NHS: variants seen among roughly 807,000 people sequenced by gnomAD.
NHS encodes NHS actin remodeling regulator, also known as actin remodeling regulator NHS.
NHS carries 5 observed loss-of-function variants against 72.5 expected under a neutral mutation model. That is an observed-to-expected ratio of 0.07 (90% CI 0.04 to 0.14). NHS has a LOEUF of 0.14. NHS is among the 10% of genes least tolerant of loss of function. The probability of loss-of-function intolerance (pLI) is 1.00; values close to 1 mark genes in which losing one functional copy is unlikely to be tolerated. For missense variants in NHS, 1,072 were observed against 1,355.7 expected (o/e 0.79, Z 3.29); for synonymous variants, 464 against 547.7 (o/e 0.85, Z 2.13).
At chrX:17,377,351 T>A (rs2064352045) in intron 1 of NHS, among the ~76,000 whole-genome samples, 1 of 112,757 alleles carries the variant, frequency 8.9e-6, no homozygotes, top group Non-Finnish European at 1.9e-5. Context: ...ATCGTCCAAA[T>A]CTGGCGACGG....
intron 4 of NHS, among the ~76,000 whole-genome samples, 194 bp downstream of exon 4, chrX:17,719,600 CT>C (rs1460483531): frequency 9.0e-6 from 1 of 110,818 alleles, no homozygotes; most frequent in Non-Finnish European, 1.9e-5. Context: ...TGCCATTTGC[CT>C]TTTTCCCCCA....
intron 1 of NHS, among the ~76,000 whole-genome samples, chrX:17,605,320 A>G (rs948875628): frequency 5.4e-5 from 6 of 112,048 alleles, no homozygotes; most frequent in African/African-American, 1.9e-4. Context: ...GCACCATCAG[A>G]TAGATGTATC....
At chrX:17,702,700 A>C (rs1009167887) in intron 3 of NHS, among the ~76,000 whole-genome samples, 1 of 111,361 alleles carries the variant, frequency 9.0e-6, no homozygotes, top group Non-Finnish European at 1.9e-5. Context: ...GAAAACAAAA[A>C]CATCTTGCTA....
At chrX:17,581,721 C>T (rs1173997949) in intron 1 of NHS, among the ~76,000 whole-genome samples, 1 of 111,187 alleles carries the variant, frequency 9.0e-6, no homozygotes, top group Non-Finnish European at 1.9e-5. Flanking sequence ...ATTGGGATTT[C>T]CTGCTTTCTA....
chrX:17,497,627 A>T, intron 1 of NHS, among the ~76,000 whole-genome samples: 1 of 111,677 alleles, frequency 9.0e-6, no homozygotes, highest in East Asian at 2.8e-4. Context: ...CCTCACCTCG[A>T]TATGTTTTAA....
intron 1 of NHS, among the ~76,000 whole-genome samples, chrX:17,571,700 T>C (rs1422429813): frequency 8.9e-6 from 1 of 111,972 alleles, no homozygotes; most frequent in Non-Finnish European, 1.9e-5. Flanking sequence ...ATTTCTTGTC[T>C]TCTGCTAGCT....
chrX:17,506,792 G>A (rs978655636), intron 1 of NHS, among the ~76,000 whole-genome samples: 1 of 111,217 alleles, frequency 9.0e-6, no homozygotes, highest in African/African-American at 3.3e-5. Flanking sequence ...AGGCTGGAAA[G>A]CTAGAAATGA....
intron 1 of NHS, among the ~76,000 whole-genome samples, chrX:17,410,901 C>A (rs1035598279): frequency 1.8e-5 from 2 of 111,663 alleles, no homozygotes; most frequent in African/African-American, 6.5e-5. Context: ...TTGGAAGGAG[C>A]CAGCACACCA....
At chrX:17,459,293 A>G (rs1283532301) in intron 1 of NHS, among the ~76,000 whole-genome samples, 1 of 111,729 alleles carries the variant, frequency 9.0e-6, no homozygotes, top group Non-Finnish European at 1.9e-5. Flanking sequence ...ATGGCTGGGA[A>G]GATAGACTCC....
At chrX:17,434,046 A>G (rs1013839973) in intron 1 of NHS, among the ~76,000 whole-genome samples, 5 of 111,820 alleles carry the variant, frequency 4.5e-5, no homozygotes, top group Non-Finnish European at 7.5e-5. Context: ...CGGGCCTTGG[A>G]GTCCTCCACT....
At chrX:17,491,419 C>T (rs1475815902) in intron 1 of NHS, among the ~76,000 whole-genome samples, 2 of 111,893 alleles carry the variant, frequency 1.8e-5, no homozygotes, top group South Asian at 3.7e-4. Context: ...TGATGGATTA[C>T]GTTTATTGAT....
Position 17,725,896 on chromosome X carries a change from C to T in NHS, c.1790C>T (p.Ser597Phe). Residue 597 changes from serine (S) to phenylalanine (F), a missense_variant, in exon 7 of 9, where the codon TCC (serine) becomes TTC (phenylalanine). Coordinates refer to ENST00000676302, the MANE Select transcript of NHS (RefSeq NM_001291867.2). ...GCTGACTCTGGCAGCTGTGACATCT[C>T]CTCCAACTCAGACACGTTTGGGAGC... ...MAADSGSCDI[S>F]SNSDTFGSPI... The T allele has an allele frequency of 2.5e-6, 3 of 1,211,783 alleles. No homozygotes were observed. The highest frequency in any genetic ancestry group is 3.4e-6 in the Non-Finnish European group (3 of 895,516).
intron 1 of NHS, among the ~76,000 whole-genome samples, chrX:17,543,554 A>G (rs1432017545): frequency 8.9e-6 from 1 of 112,298 alleles, no homozygotes; most frequent in Non-Finnish European, 1.9e-5. Context: ...GAAGGAAAAC[A>G]TGCGCATTGT....
At chrX:17,512,456 G>A (rs781015217) in intron 1 of NHS, among the ~76,000 whole-genome samples, 43 of 112,137 alleles carry the variant, frequency 3.8e-4, no homozygotes, top group Non-Finnish European at 7.1e-4. Context: ...AAGAGTGGAA[G>A]GAAGGTGGTC....
At chrX:17,588,056 G>A (rs759458237) in intron 1 of NHS, among the ~76,000 whole-genome samples, 6 of 112,177 alleles carry the variant, frequency 5.3e-5, no homozygotes, top group Non-Finnish European at 1.1e-4. Flanking sequence ...TTCTAGGGTT[G>A]TCTCTTCCCA....
intron 3 of NHS, among the ~76,000 whole-genome samples, chrX:17,706,034 T>A (rs369099307): frequency 1.8e-4 from 20 of 110,210 alleles, no homozygotes; most frequent in South Asian, 1.6e-3. Flanking sequence ...CAAAAAAAAA[T>A]TTTTTTAATT....
At chrX:17,696,008 C>T (rs1048153358) in intron 3 of NHS, among the ~76,000 whole-genome samples, 7 of 108,766 alleles carry the variant, frequency 6.4e-5, no homozygotes, top group Non-Finnish European at 1.3e-4. Context: ...AGTTTAAGAT[C>T]ATTTATTTGG....
At chrX:17,492,827 G>A (rs1378770398) in intron 1 of NHS, among the ~76,000 whole-genome samples, 2 of 111,767 alleles carry the variant, frequency 1.8e-5, no homozygotes, top group African/African-American at 6.5e-5. Context: ...TCATACCATT[G>A]TGGTTTGTTG....
At chrX:17,546,838 GTGGCATTTAACACGTCCTTGGCA>G (rs1367053130) in intron 1 of NHS, among the ~76,000 whole-genome samples, 2 of 112,650 alleles carry the variant, frequency 1.8e-5, no homozygotes, top group Non-Finnish European at 1.9e-5. Flanking sequence ...GGAGGAGAAG[GTGGCATTTAACACGTCCTTGGCA>G]TGGCATGATC....
Sources: gnomAD v4.1 joint callset for allele counts (sites outside exome capture counted in the v4.1 genomes callset) on GRCh38, gnomAD v4.1.1 for gene constraint, MANE v1.5 for transcripts, NCBI Gene and HGNC (gene_info 2026-07-23, HGNC 2026-07-21) for gene names.